The following TFDP2 variants were observed in gnomAD, a reference collection of about 807,000 sequenced individuals.
The protein encoded by TFDP2 is transcription factor Dp-2 (E2F dimerization partner 2).
A neutral mutation model predicts 59.3 loss-of-function variants in TFDP2; 17 were observed. The ratio of observed to expected loss-of-function variants is 0.29; its 90% CI spans 0.20 to 0.43. The LOEUF (loss-of-function observed/expected upper bound fraction) is 0.43, where lower values mean the gene tolerates loss of function less well. Ranked by LOEUF, TFDP2 falls within the 20% of genes least tolerant of loss-of-function variation. TFDP2 has a pLI of 1.00. For synonymous variants in TFDP2, 180 were observed against 194.7 expected (o/e 0.92, Z 0.63); for missense variants, 391 against 528.8 (o/e 0.74, Z 2.56).
chr3:141,977,823 G>A (rs964399842), intron 7 of TFDP2, among the ~76,000 whole-genome samples: 1 of 151,530 alleles, frequency 6.6e-6, no homozygotes, highest in Non-Finnish European at 1.5e-5. Context: ...CAATTCTCCT[G>A]CCTCAGCCTC....
intron 6 of TFDP2, among the ~76,000 whole-genome samples, chr3:141,987,777 A>G (rs1175190390): frequency 2.7e-5 from 4 of 149,818 alleles, no homozygotes; most frequent in East Asian, 2.0e-4. Context: ...AAAATAGAAA[A>G]AAAAAAAAAA....
At position 142,085,481 on chromosome 3, in the gene TFDP2, A is replaced by T. The variant is rs371905117; in HGVS notation, c.82+7580T>A. Among the ~76,000 whole-genome samples, 141 of 152,334 alleles carry T rather than the reference A, an allele frequency of 9.3e-4. 1 individual carries two copies. The Middle Eastern group carries it at 0.014, about 15-fold the overall frequency. ...TAAATATGATTATAACCTTATTTTT[A>T]AGCTGCACATAAAAAATAATAAAAG... On this transcript the variant is annotated intron_variant, in intron 3 of 12. Transcript: ENST00000489671.
intron 3 of TFDP2, among the ~76,000 whole-genome samples, chr3:142,056,499 T>A (rs746535862): frequency 1.3e-5 from 2 of 152,110 alleles, no homozygotes; most frequent in Non-Finnish European, 2.9e-5. Flanking sequence ...ATAAGATACC[T>A]AGTTAAATTT....
intron 1 of TFDP2, among the ~76,000 whole-genome samples, chr3:142,135,395 ATTTCT>A (rs1350471325): frequency 1.3e-5 from 2 of 151,962 alleles, no homozygotes; most frequent in Non-Finnish European, 2.9e-5. Context: ...CATATGTTTA[ATTTCT>A]TTTTTCTTTT....
At chr3:142,073,916 T>C (rs1030050937) in intron 3 of TFDP2, among the ~76,000 whole-genome samples, 1 of 152,172 alleles carries the variant, frequency 6.6e-6, no homozygotes, top group East Asian at 1.9e-4. Context: ...ATGTTAAGTG[T>C]CTTTTTTCAG....
intron 3 of TFDP2, among the ~76,000 whole-genome samples, chr3:142,070,545 G>A (rs1370553567): frequency 6.6e-6 from 1 of 152,196 alleles, no homozygotes; most frequent in Non-Finnish European, 1.5e-5. Context: ...TTCATTAAGT[G>A]CTGGGACTAC....
At chr3:142,133,401 G>A (rs71304127) in intron 1 of TFDP2, among the ~76,000 whole-genome samples, 33 of 149,506 alleles carry the variant, frequency 2.2e-4, no homozygotes, top group Non-Finnish European at 4.1e-4. Flanking sequence ...TGTATTTTTA[G>A]TAGATATGGG....
intron 1 of TFDP2, among the ~76,000 whole-genome samples, chr3:142,118,587 AGAAAT>A (rs1438173921): frequency 6.6e-6 from 1 of 152,234 alleles, no homozygotes; most frequent in Non-Finnish European, 1.5e-5. Context: ...ACATCATATA[AGAAAT>A]GAAAGTTAAA....
At chr3:142,081,267 T>A (rs1387883535) in intron 3 of TFDP2, among the ~76,000 whole-genome samples, 1 of 152,018 alleles carries the variant, frequency 6.6e-6, no homozygotes, top group Non-Finnish European at 1.5e-5. Flanking sequence ...GAAAGAAATT[T>A]AAAATGTACT....
chr3:142,126,228 G>A (rs2062243672), intron 1 of TFDP2: 1 of 149,610 alleles, frequency 6.7e-6, no homozygotes, highest in Non-Finnish European at 1.5e-5. Context: ...CACCAGGCTG[G>A]AGTGAAGTGG....
In TFDP2 at chr3:142,093,068, T is replaced by A; in HGVS notation, c.75A>T (p.Pro25=). ...VRGFIDQNLS[P]TKGNISFVAF... ...TTATTCAATAATCCTTACCTTTTGT[T>A]GGACTGAGATTCTGATCTATAAATC... is the stretch of plus-strand genomic sequence containing the variant. The change falls in exon 3 of 13, where the codon CCA becomes CCT. Residue 25 remains proline, a synonymous_variant. Transcript: ENST00000489671. 1 of 1,535,326 alleles carries A rather than the reference T, an allele frequency of 6.5e-7. No homozygotes were observed. The highest frequency in any genetic ancestry group is 8.7e-7 in the Non-Finnish European group (1 of 1,146,890).
At chr3:142,034,942 G>C (rs906998280) in intron 3 of TFDP2, among the ~76,000 whole-genome samples, 2 of 151,942 alleles carry the variant, frequency 1.3e-5, no homozygotes, top group Non-Finnish European at 2.9e-5. Flanking sequence ...TCCTGACCTC[G>C]TGATCCGCCT....
intron 5 of TFDP2, 122 bp from the exon 6 acceptor site, chr3:141,993,707 A>C (rs114860346): frequency 1.1e-4 from 54 of 500,856 alleles, no homozygotes; most frequent in Non-Finnish European, 1.8e-4. Flanking sequence ...TAAAACTAGC[A>C]AATACAAAAG....
intron 3 of TFDP2, among the ~76,000 whole-genome samples, chr3:142,058,388 C>T (rs566472531): frequency 6.7e-6 from 1 of 149,740 alleles, no homozygotes; most frequent in African/African-American, 2.5e-5. Flanking sequence ...AGGTGTCTAA[C>T]AATTCAATAC....
intron 1 of TFDP2, among the ~76,000 whole-genome samples, chr3:142,118,129 G>A (rs62284575): frequency 0.061 from 9,344 of 152,036 alleles, 416 homozygotes; most frequent in Middle Eastern, 0.15. Context: ...CTGGGGGGAG[G>A]ATTAAAGAGC....
Position 142,038,383 on chromosome 3 carries a change from C to CAAAAA in TFDP2, c.83-32844_83-32840dup, listed in dbSNP as rs1184364752. Among the ~76,000 whole-genome samples the CAAAAA allele has an allele frequency of 4.3e-3, 176 of 41,350 alleles. 16 individuals carry two copies. Among genetic ancestry groups the CAAAAA allele is most frequent in the African/African-American group, 0.018 (166 of 9,150 alleles). 27.1% of individuals were successfully genotyped at this position (41,350 alleles called of 152,430 possible). A position where few individuals can be genotyped will look rare whatever the true frequency, so the allele number is the denominator to read the frequency against. On this transcript the variant is annotated intron_variant, in intron 3 of 12. Coordinates refer to ENST00000489671, the MANE Select transcript of TFDP2 (RefSeq NM_001178139.2). Reference sequence around the variant, plus strand: ...TGGGCGACAGAGCGAGACTCCATCTCAAAAAAAAAAAAAAAAAAAAAAAAG... The same window carrying CAAAAA: ...TGGGCGACAGAGCGAGACTCCATCTCAAAAAAAAAAAAAAAAAAAAAAAAAAAAAG...
chr3:142,129,202 T>C (rs1350324513), intron 1 of TFDP2, among the ~76,000 whole-genome samples: 2 of 151,192 alleles, frequency 1.3e-5, no homozygotes, highest in East Asian at 3.9e-4. Context: ...GGGAGGCTGG[T>C]TAAAAAAAAA....
rs145959548 is a variant in TFDP2 at position 142,061,872 on chromosome 3, T to TTCTC, written c.82+31185_82+31188dup. 7.2e-4 allele frequency among the ~76,000 whole-genome samples: 51 copies of TTCTC among 70,436 alleles called. 3 individuals carry two copies. The highest frequency in any genetic ancestry group is 6.6e-3 in the Middle Eastern group (1 of 152). 46.2% of individuals were successfully genotyped at this position (70,436 alleles called of 152,430 possible). On this transcript the variant is annotated intron_variant, in intron 3 of 12. Transcript: ENST00000489671. ...GAGCCAATCCCTATAATCAATCAAT[T>TTCTC]TCTCTCTCTCTCTCTCTACACACAC...
At chr3:142,093,476 T>C (rs948726412) in intron 2 of TFDP2, among the ~76,000 whole-genome samples, 6 of 151,574 alleles carry the variant, frequency 4.0e-5, no homozygotes, top group African/African-American at 1.5e-4. Flanking sequence ...GAGGGGAATA[T>C]GAATTGTCCA....
Sources: allele counts gnomAD v4.1 joint callset (sites outside exome capture counted in the v4.1 genomes callset), GRCh38; gene constraint gnomAD v4.1.1; transcripts MANE v1.5; gene names NCBI Gene and HGNC (gene_info 2026-07-23, HGNC 2026-07-21).